RFTN2: variants seen among roughly 807,000 people sequenced by gnomAD.
RFTN2 encodes the protein raftlin-2.
In RFTN2, 34 loss-of-function variants were observed where a neutral mutation model predicts 52.7. The observed-to-expected ratio is 0.64, with a 90% confidence interval of 0.49 to 0.86. The LOEUF (loss-of-function observed/expected upper bound fraction) is 0.86, where lower values mean the gene tolerates loss of function less well. Among genes scored for constraint, RFTN2 ranks in the 40% least tolerant of loss-of-function variants. RFTN2 has a pLI of 0.00. For missense variants in RFTN2, 536 were observed against 600.1 expected (o/e 0.89, Z 1.12); for synonymous variants, 203 against 217.7 (o/e 0.93, Z 0.59).
intron 3 of RFTN2, among the ~76,000 whole-genome samples, chr2:197,637,209 G>A (rs1422155314): frequency 6.6e-6 from 1 of 151,364 alleles, no homozygotes; most frequent in Non-Finnish European, 1.5e-5. Context: ...CTCTTTTTTG[G>A]TTGTGTCTCT....
chr2:197,653,564 G>A (rs1027671274), intron 1 of RFTN2, among the ~76,000 whole-genome samples: 2 of 151,306 alleles, frequency 1.3e-5, no homozygotes, highest in African/African-American at 4.9e-5. Context: ...AAAAAAAAAG[G>A]CTAAAACAAT....
chr2:197,597,532 T>A (rs566139673), intron 7 of RFTN2, among the ~76,000 whole-genome samples: 1 of 152,134 alleles, frequency 6.6e-6, no homozygotes. Flanking sequence ...CTTTCTTTTT[T>A]TTTTGAGATG....
chr2:197,644,224 C>T lies in RFTN2; in HGVS notation c.372G>A (p.Val124=), dbSNP rs774029779. ...CAGAAGTTAGGGGACATTCCTCAAT[C>T]ACGAGCCTTGGGCGTCTTTGTCCAC... is the stretch of plus-strand genomic sequence containing the variant. ...APSGQRRPRL[V]IEECPLTSEA... is the part of the protein sequence containing the mutation. The change falls in exon 3 of 9, where the codon GTG becomes GTA. Residue 124 remains valine, a synonymous_variant. Transcript: ENST00000295049. 1 of 1,613,646 alleles carries T rather than the reference C, an allele frequency of 6.2e-7. No homozygotes were observed. The highest frequency in any genetic ancestry group is 1.1e-5 in the South Asian group (1 of 91,076).
intron 3 of RFTN2, among the ~76,000 whole-genome samples, chr2:197,642,989 T>C (rs1414082601): frequency 6.6e-6 from 1 of 152,132 alleles, no homozygotes. Context: ...AAAGACAAAA[T>C]GGGATTTATG....
intron 1 of RFTN2, among the ~76,000 whole-genome samples, chr2:197,666,741 T>C (rs973710852): frequency 1.3e-5 from 2 of 152,240 alleles, no homozygotes; most frequent in Admixed American, 1.3e-4. Context: ...CATTCTTGTT[T>C]TGCCTTCTGA....
At chr2:197,648,093 G>A (rs923404136) in intron 1 of RFTN2, among the ~76,000 whole-genome samples, 36 of 152,284 alleles carry the variant, frequency 2.4e-4, no homozygotes, top group African/African-American at 8.2e-4. Context: ...TCAGTGTGGT[G>A]AGTGGTGTCT....
At chr2:197,637,250 C>T (rs1443254693) in intron 3 of RFTN2, among the ~76,000 whole-genome samples, 1 of 151,948 alleles carries the variant, frequency 6.6e-6, no homozygotes, top group African/African-American at 2.4e-5. Flanking sequence ...TGATGCTAGC[C>T]TCATAAAATG....
At chr2:197,572,391 T>G in intron 8 of RFTN2, 111 bp from the exon 9 acceptor site, 1 of 1,051,664 alleles carries the variant, frequency 9.5e-7, no homozygotes, top group Non-Finnish European at 1.4e-6. Flanking sequence ...TTTCCCCAGC[T>G]CTTCAAAATC....
At chr2:197,573,006 A>G (rs539358860) in intron 8 of RFTN2, among the ~76,000 whole-genome samples, 3 of 151,498 alleles carry the variant, frequency 2.0e-5, no homozygotes, top group South Asian at 2.1e-4. Context: ...CTGTGAGTCA[A>G]TTAAACCTCT....
At chr2:197,628,273 C>G (rs781347500) in intron 5 of RFTN2, among the ~76,000 whole-genome samples, 38 of 152,154 alleles carry the variant, frequency 2.5e-4, no homozygotes, top group Admixed American at 7.9e-4. Flanking sequence ...AGGGGCTTGC[C>G]ATAGCCTGCA....
At chr2:197,595,669 C>T (rs2087783031) in intron 8 of RFTN2, among the ~76,000 whole-genome samples, 2 of 152,180 alleles carry the variant, frequency 1.3e-5, no homozygotes, top group Non-Finnish European at 1.5e-5. Flanking sequence ...AAATTTATGT[C>T]GCCTTTATAA....
intron 5 of RFTN2, among the ~76,000 whole-genome samples, chr2:197,625,473 CG>C (rs2088339017): frequency 6.6e-6 from 1 of 151,974 alleles, no homozygotes; most frequent in Non-Finnish European, 1.5e-5. Flanking sequence ...GAGGTGGGCC[CG>C]GGAGCATCTT....
chr2:197,648,722 C>T (rs1160442199), intron 1 of RFTN2, among the ~76,000 whole-genome samples: 4 of 152,198 alleles, frequency 2.6e-5, no homozygotes, highest in Non-Finnish European at 5.9e-5. Flanking sequence ...CCTCTTGATT[C>T]AGCCTCCACG....
intron 5 of RFTN2, among the ~76,000 whole-genome samples, chr2:197,627,112 G>C (rs772224347): frequency 2.0e-5 from 3 of 152,136 alleles, no homozygotes. Flanking sequence ...ACTGTTGCTT[G>C]CCTTGCTCCA....
chr2:197,580,905 CCCTGACTATTCCTG>C (rs1240982413), intron 8 of RFTN2, among the ~76,000 whole-genome samples: 2 of 152,144 alleles, frequency 1.3e-5, no homozygotes, highest in African/African-American at 4.8e-5. Flanking sequence ...TTATCTGCTT[CCCTGACTATTCCTG>C]GACCACAGCC....
At chr2:197,608,731 C>G (rs921188977) in intron 7 of RFTN2, among the ~76,000 whole-genome samples, 1 of 150,832 alleles carries the variant, frequency 6.6e-6, no homozygotes, top group African/African-American at 2.4e-5. Context: ...TTGCTGCACC[C>G]GTCAAATCAT....
At chr2:197,638,438 A>G (rs2088605775) in intron 3 of RFTN2, among the ~76,000 whole-genome samples, 1 of 84,336 alleles carries the variant, frequency 1.2e-5, no homozygotes, top group Admixed American at 1.3e-4. Context: ...TTGGGTGCAT[A>G]TATATTTAGG....
chr2:197,624,597 CAAAAAAAAAAAAA>C (rs746144794), intron 5 of RFTN2, among the ~76,000 whole-genome samples: 30 of 57,956 alleles, frequency 5.2e-4, no homozygotes, highest in South Asian at 8.0e-4. Flanking sequence ...GACTCTGTCT[CAAAAAAAAAAAAA>C]AAAAAAAAAA....
At chr2:197,622,052 A>G (rs1467125944) in intron 5 of RFTN2, among the ~76,000 whole-genome samples, 1 of 152,250 alleles carries the variant, frequency 6.6e-6, no homozygotes, top group Non-Finnish European at 1.5e-5. Flanking sequence ...CCTTAAGCCA[A>G]AGCCTAATCC....
Sources: allele counts gnomAD v4.1 joint callset (sites outside exome capture counted in the v4.1 genomes callset), GRCh38; gene constraint gnomAD v4.1.1; transcripts MANE v1.5; gene names NCBI Gene and HGNC (gene_info 2026-07-23, HGNC 2026-07-21).